The following ERCC6 variants were observed in gnomAD, a reference collection of about 807,000 sequenced individuals.
ERCC6 encodes DNA excision repair protein ERCC-6.
Under a neutral mutation model 158.7 loss-of-function variants are expected in ERCC6, and 116 were observed. The observed-to-expected ratio is 0.73, with a 90% CI of 0.63 to 0.85. ERCC6 has a LOEUF of 0.85. ERCC6 is among the 40% of genes least tolerant of loss of function. The pLI is 0.00. For missense variants in ERCC6, 1,698 were observed against 1,799.4 expected (o/e 0.94, Z 1.02); for synonymous variants, 678 against 659.3 (o/e 1.03, Z -0.43).
At chr10:49,493,322 C>G in intron 7 of ERCC6, 70 bp from the exon 8 acceptor site, 1 of 1,578,036 alleles carries the variant, frequency 6.3e-7, no homozygotes, top group Non-Finnish European at 8.7e-7. Flanking sequence ...CTCAAAAGAT[C>G]CCCCAAAACA....
rs191235578 is a variant in ERCC6, at chr10:49,495,241, G to A, written c.1686-1989C>T. 3.6e-4 allele frequency among the ~76,000 whole-genome samples: 55 copies of A among 152,174 alleles called. 1 individual carries two copies. Among genetic ancestry groups the A allele is most frequent in the South Asian group, 6.2e-4 (3 of 4,818 alleles). The stretch of plus-strand genomic sequence containing the variant: ...AATTAAGCAGAAGTCAAAACTAACC[G>A]TGGCAACCTCTTCAACAACACTCAG... On this transcript the variant is annotated intron_variant, in intron 7 of 20. Transcript: ENST00000355832.
intron 8 of ERCC6, among the ~76,000 whole-genome samples, chr10:49,490,557 A>G (rs1339068322): frequency 6.6e-6 from 1 of 151,916 alleles, no homozygotes; most frequent in African/African-American, 2.4e-5. Flanking sequence ...GTTTCACCAC[A>G]TTGGCCAGGC....
rs1024228319 is a variant in ERCC6 at position 49,513,510 on chromosome 10, C to A, written c.1398-7498G>T. 4.6e-5 allele frequency among the ~76,000 whole-genome samples: 7 copies of A among 152,002 alleles called. 1 individual carries two copies. Among genetic ancestry groups the A allele is most frequent in the Non-Finnish European group, 8.8e-5 (6 of 68,004 alleles). ...CCATTTTCACTGCTATAAAGAAATA[C>A]CCGAGACTGGGTAATTTATAAGGAA... On this transcript the variant is annotated intron_variant, in intron 5 of 20. Coordinates refer to ENST00000355832, the MANE Select transcript of ERCC6 (RefSeq NM_000124.4).
At chr10:49,515,721 C>G in intron 5 of ERCC6, 1 of 1,614,152 alleles carries the variant, frequency 6.2e-7, no homozygotes, top group African/African-American at 1.3e-5. Context: ...TTCATCAGCT[C>G]TGTCTACGCC....
intron 18 of ERCC6, among the ~76,000 whole-genome samples, chr10:49,463,585 A>G (rs1015765339): frequency 6.6e-6 from 1 of 152,220 alleles, no homozygotes; most frequent in African/African-American, 2.4e-5. Flanking sequence ...TATTTCTACA[A>G]AAGAAACATA....
intron 8 of ERCC6, among the ~76,000 whole-genome samples, chr10:49,486,714 CA>C (rs1295623272): frequency 6.6e-6 from 1 of 152,106 alleles, no homozygotes; most frequent in African/African-American, 2.4e-5. Flanking sequence ...CAGAACAAAC[CA>C]ATACTGAACA....
intron 18 of ERCC6, among the ~76,000 whole-genome samples, chr10:49,463,009 C>G (rs564449499): frequency 5.4e-4 from 82 of 152,234 alleles, no homozygotes; most frequent in African/African-American, 1.9e-3. Context: ...CTAAAAGAAG[C>G]TATAAAAAAT....
At chr10:49,447,547 C>T in the ERCC6 span, among the ~76,000 whole-genome samples, 4 of 151,944 alleles carry the variant, frequency 2.6e-5, no homozygotes, top group East Asian at 1.9e-4. Context: ...AAAAATTAGC[C>T]GGGCATAGTG....
intron 7 of ERCC6, among the ~76,000 whole-genome samples, chr10:49,493,883 G>A (rs925589056): frequency 2.0e-5 from 3 of 152,186 alleles, no homozygotes; most frequent in African/African-American, 4.8e-5. Flanking sequence ...AGGAGCATCC[G>A]AGCGAGTGTT....
In ERCC6 at chr10:49,455,845, T is replaced by TAAAAC. The variant is rs946051010; in HGVS notation, c.*2965_*2969dup. On this transcript the variant is annotated 3_prime_UTR_variant, in exon 21 of 21. Transcript: ENST00000355832. ...AGGTACTTTCAATCACGAGACTGGT[T>TAAAAC]AAAACAAAACAAAACAACCTATCGA... is the stretch of plus-strand genomic sequence containing the variant. 3 of 152,168 alleles carry TAAAAC rather than the reference T, an allele frequency of 2.0e-5. No homozygotes were observed. Among genetic ancestry groups the TAAAAC allele is most frequent in the East Asian group, 1.9e-4 (1 of 5,192 alleles). 9.4% of individuals were successfully genotyped at this position (152,168 alleles called of 1,614,324 possible).
At chr10:49,479,774 G>A (rs924339656) in intron 10 of ERCC6, among the ~76,000 whole-genome samples, 2 of 152,142 alleles carry the variant, frequency 1.3e-5, no homozygotes, top group Admixed American at 6.5e-5. Context: ...GGGAACGGCC[G>A]GGCTGTGGCT....
the ERCC6 span, among the ~76,000 whole-genome samples, chr10:49,437,345 A>G: frequency 1.3e-5 from 2 of 152,230 alleles, no homozygotes; most frequent in African/African-American, 4.8e-5. Flanking sequence ...TAATGTGGAT[A>G]AAACACACCA....
chr10:49,475,540 G>A, intron 12 of ERCC6: 1 of 367,918 alleles, frequency 2.7e-6, no homozygotes, highest in Non-Finnish European at 5.4e-6. Flanking sequence ...TGTGAGAGAT[G>A]GTTAAAAGAA....
chr10:49,482,813 G>A lies in ERCC6; in HGVS notation c.2043C>T (p.Asn681=), dbSNP rs1165952833. The change falls in exon 10 of 21, where the codon AAC becomes AAT. Residue 681 remains asparagine (N), a synonymous_variant. Coordinates refer to ENST00000355832, the MANE Select transcript of ERCC6 (RefSeq NM_000124.4). ...IILSGSPMQN[N]LRELWSLFDF... The stretch of plus-strand genomic sequence containing the variant: ...CAAAGAGCGACCACAGCTCTCGGAG[G>A]TTATTTTGCATCGGTGAGCCAGACA... 2 of 1,613,994 alleles carry A rather than the reference G, an allele frequency of 1.2e-6. No individual in the cohort carries two copies. The highest frequency in any genetic ancestry group is 1.3e-5 in the African/African-American group (1 of 74,894).
chr10:49,504,583 G>A (rs1851412709), intron 6 of ERCC6: 1 of 152,188 alleles, frequency 6.6e-6, no homozygotes, highest in African/African-American at 2.4e-5. Flanking sequence ...TCTATAATTT[G>A]GGTATTCCTT....
At chr10:49,476,365 T>C (rs892015198) in intron 11 of ERCC6, 55 bp from the exon 12 acceptor site, 1 of 1,199,800 alleles carries the variant, frequency 8.3e-7, no homozygotes, top group Non-Finnish European at 1.2e-6. Flanking sequence ...TTAACAGAAA[T>C]AATTAAAATA....
At chr10:49,451,261 T>A (rs1011880947), downstream of ERCC6, among the ~76,000 whole-genome samples, 4 of 151,906 alleles carry the variant, frequency 2.6e-5, no homozygotes, top group African/African-American at 9.7e-5. Context: ...CTTCTTCCTT[T>A]CCAACCTTTA....
At chr10:49,500,908 A>C (rs771545049) in intron 6 of ERCC6, 2 of 574,646 alleles carry the variant, frequency 3.5e-6, no homozygotes, top group Non-Finnish European at 6.2e-6. Context: ...TTCTTTACAA[A>C]ACATTAACAC....
At chr10:49,475,533 G>A (rs997890426) in intron 12 of ERCC6, 7 of 383,870 alleles carry the variant, frequency 1.8e-5, no homozygotes, top group African/African-American at 1.3e-4. Flanking sequence ...AAGAAATTGT[G>A]AGAGATGGTT....
Sources: gnomAD v4.1 joint callset for allele counts (sites outside exome capture counted in the v4.1 genomes callset) on GRCh38, gnomAD v4.1.1 for gene constraint, MANE v1.5 for transcripts, NCBI Gene and HGNC (gene_info 2026-07-23, HGNC 2026-07-21) for gene names.